The following CTNNA2 variants were observed in gnomAD, a reference collection of about 807,000 sequenced individuals.
CTNNA2 encodes the protein catenin alpha 2, also known as catenin alpha-2.
In CTNNA2, 42 loss-of-function variants were observed where a neutral mutation model predicts 101.0. The observed-to-expected ratio is 0.42, with a 90% CI of 0.32 to 0.54. CTNNA2 has a LOEUF of 0.54. Ranked by LOEUF, CTNNA2 falls within the 20% of genes least tolerant of loss-of-function variation. The probability of loss-of-function intolerance (pLI) is 0.14; values close to 1 mark genes in which losing one functional copy is unlikely to be tolerated. For missense variants in CTNNA2, 871 were observed against 1,223.1 expected (o/e 0.71, Z 4.29); for synonymous variants, 450 against 456.4 (o/e 0.99, Z 0.18).
At chr2:79,614,018 G>C (rs1678460392) in intron 1 of CTNNA2, among the ~76,000 whole-genome samples, 1 of 152,194 alleles carries the variant, frequency 6.6e-6, no homozygotes, top group East Asian at 1.9e-4. Context: ...TGACTCCACA[G>C]CCTGTGCTCC....
At chr2:79,666,868 G>A (rs756974236) in intron 2 of CTNNA2, among the ~76,000 whole-genome samples, 3 of 152,172 alleles carry the variant, frequency 2.0e-5, no homozygotes, top group Non-Finnish European at 4.4e-5. Flanking sequence ...CAGTTCACCT[G>A]TCTTCTCCTG....
At chr2:80,595,948 T>C (rs898115532) in intron 15 of CTNNA2, among the ~76,000 whole-genome samples, 2 of 152,180 alleles carry the variant, frequency 1.3e-5, no homozygotes, top group Non-Finnish European at 2.9e-5. Flanking sequence ...ATAAATTACT[T>C]TGGGCAGTGT....
chr2:80,059,247 A>AT (rs1047485847), intron 7 of CTNNA2, among the ~76,000 whole-genome samples: 33 of 152,114 alleles, frequency 2.2e-4, no homozygotes, highest in Non-Finnish European at 1.5e-5. Context: ...CCTATCACAA[A>AT]TTGCAAGACT....
At position 80,597,135 on chromosome 2, in the gene CTNNA2, C is replaced by T. The variant is rs142659929; in HGVS notation, c.2190-6939C>T. On this transcript the variant is annotated intron_variant, in intron 15 of 18. Coordinates refer to ENST00000402739, the MANE Select transcript of CTNNA2 (RefSeq NM_001282597.3). ...AGTATTTAACTGAGGATTTTTGCAT[C>T]GATGTTCATCAGGGATATTGGCCTC... 3.9e-4 allele frequency among the ~76,000 whole-genome samples: 60 copies of T among 152,096 alleles called. 1 individual carries two copies. Among genetic ancestry groups the T allele is most frequent in the Admixed American group, 9.2e-4 (14 of 15,260 alleles).
At chr2:79,803,894 G>A (rs72824558) in intron 3 of CTNNA2, among the ~76,000 whole-genome samples, 5,802 of 152,300 alleles carry the variant, frequency 0.038, 164 homozygotes, top group Middle Eastern at 0.12. Context: ...TTCTTTGTAG[G>A]AATATTTTAT....
At chr2:79,431,623 A>AG (rs1469512996) in intron 4 of CTNNA2, among the ~76,000 whole-genome samples, 7 of 152,024 alleles carry the variant, frequency 4.6e-5, no homozygotes, top group Admixed American at 4.6e-4. Flanking sequence ...TCCTCCTGCA[A>AG]GGAAGGACAG....
intron 7 of CTNNA2, among the ~76,000 whole-genome samples, chr2:80,332,689 A>G (rs1036922674): frequency 6.6e-6 from 1 of 152,230 alleles, no homozygotes; most frequent in African/African-American, 2.4e-5. Flanking sequence ...GAGAGCAGGC[A>G]TGGTATGATC....
chr2:79,328,798 C>A (rs147328086), intron 3 of CTNNA2, among the ~76,000 whole-genome samples: 4 of 152,290 alleles, frequency 2.6e-5, no homozygotes, highest in Non-Finnish European at 4.4e-5. Context: ...TAAATTGATT[C>A]TCTCACAGTT....
In CTNNA2 at chr2:79,288,913, C is replaced by A. The variant is rs544708225; in HGVS notation, c.-405-23796C>A. Among the ~76,000 whole-genome samples, 4 of 152,218 alleles carry A rather than the reference C, an allele frequency of 2.6e-5. No homozygotes were observed. In the South Asian group the frequency reaches 8.3e-4, roughly 32 times the overall value. ...TGAGAAAATTGAACATCAACTGATACATTTTCTCAAAATTGAAACAGAAAA... is the reference window on the plus strand; with the variant it reads ...TGAGAAAATTGAACATCAACTGATAAATTTTCTCAAAATTGAAACAGAAAA... On this transcript the variant is annotated intron_variant, in intron 2 of 21. Transcript: ENST00000466387.
intron 1 of CTNNA2, among the ~76,000 whole-genome samples, chr2:79,551,111 G>C (rs1674072817): frequency 6.6e-6 from 1 of 152,172 alleles, no homozygotes; most frequent in Non-Finnish European, 1.5e-5. Flanking sequence ...TCACTATATA[G>C]CTGCTGCAAA....
intron 7 of CTNNA2, among the ~76,000 whole-genome samples, chr2:80,295,335 C>T (rs1675650813): frequency 6.6e-6 from 1 of 151,820 alleles, no homozygotes; most frequent in African/African-American, 2.4e-5. Flanking sequence ...TTCATCTCTT[C>T]TGCACATTCT....
At chr2:80,391,835 T>C (rs1254378357) in intron 7 of CTNNA2, among the ~76,000 whole-genome samples, 1 of 152,248 alleles carries the variant, frequency 6.6e-6, no homozygotes, top group Non-Finnish European at 1.5e-5. Context: ...AAGCTCTTTC[T>C]ACTTAAAAAC....
intron 3 of CTNNA2, among the ~76,000 whole-genome samples, chr2:79,782,512 C>T (rs1674529258): frequency 6.6e-6 from 1 of 152,174 alleles, no homozygotes; most frequent in Admixed American, 6.5e-5. Flanking sequence ...GCTGGAATTA[C>T]AGGCGTGAGC....
chr2:80,390,471 C>T (rs1677407515), intron 7 of CTNNA2, among the ~76,000 whole-genome samples: 1 of 152,258 alleles, frequency 6.6e-6, no homozygotes, highest in East Asian at 1.9e-4. Context: ...AGAAGGGATA[C>T]AGATCCCACA....
At chr2:80,631,858 C>A (rs539677146) in intron 18 of CTNNA2, among the ~76,000 whole-genome samples, 1 of 151,934 alleles carries the variant, frequency 6.6e-6, no homozygotes, top group Admixed American at 6.6e-5. Context: ...TAGAATGATG[C>A]GCCTAAAGTG....
At chr2:80,270,746 T>A (rs2149138637) in intron 7 of CTNNA2, among the ~76,000 whole-genome samples, 1 of 152,344 alleles carries the variant, frequency 6.6e-6, no homozygotes, top group Middle Eastern at 3.4e-3. Context: ...GGTAAACATG[T>A]CTGAGACTTC....
At chr2:80,321,376 C>T (rs986879276) in intron 7 of CTNNA2, among the ~76,000 whole-genome samples, 6 of 152,034 alleles carry the variant, frequency 3.9e-5, no homozygotes, top group African/African-American at 9.7e-5. Context: ...ATGTTCTGGA[C>T]GAAGTCTAAC....
intron 4 of CTNNA2, among the ~76,000 whole-genome samples, chr2:79,453,693 T>C (rs1307379479): frequency 6.6e-6 from 1 of 152,146 alleles, no homozygotes; most frequent in Non-Finnish European, 1.5e-5. Context: ...CTGGGTCATT[T>C]AATCCAAACA....
intron 7 of CTNNA2, among the ~76,000 whole-genome samples, chr2:80,025,927 G>A (rs374700358): frequency 2.0e-5 from 3 of 152,190 alleles, no homozygotes; most frequent in African/African-American, 7.2e-5. Context: ...TTTTCCTGGA[G>A]CTTACATGCA....
Sources: allele counts gnomAD v4.1 joint callset (sites outside exome capture counted in the v4.1 genomes callset), GRCh38; gene constraint gnomAD v4.1.1; transcripts MANE v1.5; gene names NCBI Gene and HGNC (gene_info 2026-07-23, HGNC 2026-07-21).